The following EIF4ENIF1 variants were observed in gnomAD, a reference collection of about 807,000 sequenced individuals.
EIF4ENIF1 encodes eukaryotic translation initiation factor 4E nuclear import factor 1.
Under a neutral mutation model 110.5 loss-of-function variants are expected in EIF4ENIF1, and 23 were observed. That is an observed-to-expected ratio of 0.21 (90% confidence interval 0.15 to 0.29). EIF4ENIF1 has a LOEUF of 0.29. Among genes scored for constraint, EIF4ENIF1 ranks in the 10% least tolerant of loss-of-function variants. The pLI, the probability that EIF4ENIF1 is intolerant of heterozygous loss-of-function variation, is 1.00. For synonymous variants in EIF4ENIF1, 440 were observed against 437.0 expected, an observed-to-expected ratio of 1.01 and a Z score of -0.09; for missense variants, 1,031 against 1,221.1, an observed-to-expected ratio of 0.84 and a Z score of 2.32.
chr22:31,465,679 C>T (rs557438489), intron 4 of EIF4ENIF1, among the ~76,000 whole-genome samples: 1 of 152,194 alleles, frequency 6.6e-6, no homozygotes, highest in Non-Finnish European at 1.5e-5. Flanking sequence ...AGGTTTTTAC[C>T]CAAGAGAAAA....
At chr22:31,493,485 C>G (rs772850172), upstream of EIF4ENIF1, among the ~76,000 whole-genome samples, 3 of 152,158 alleles carry the variant, frequency 2.0e-5, no homozygotes, top group Non-Finnish European at 4.4e-5. Context: ...GCCACCACAC[C>G]TGGCTAACTT....
chr22:31,470,287 T>TG (rs1404144615), intron 3 of EIF4ENIF1, among the ~76,000 whole-genome samples: 56 of 151,792 alleles, frequency 3.7e-4, no homozygotes, highest in African/African-American at 1.1e-3. Flanking sequence ...TTGTTGTTGT[T>TG]TTGTTTTTTT....
intron 2 of EIF4ENIF1, among the ~76,000 whole-genome samples, chr22:31,475,847 C>A (rs546234020): frequency 6.6e-6 from 1 of 151,704 alleles, no homozygotes; most frequent in East Asian, 1.9e-4. Context: ...GTGACAGAGA[C>A]CCTGTCTCAA....
At chr22:31,477,332 G>C (rs556107699) in intron 2 of EIF4ENIF1, among the ~76,000 whole-genome samples, 1 of 123,738 alleles carries the variant, frequency 8.1e-6, no homozygotes, top group African/African-American at 3.1e-5. Context: ...CTCCAGCCTC[G>C]GCAACAGAAC....
chr22:31,464,259 A>G (rs1443146109), intron 4 of EIF4ENIF1: 2 of 313,110 alleles, frequency 6.4e-6, no homozygotes, highest in Non-Finnish European at 1.2e-5. Flanking sequence ...AATTATTAGC[A>G]AATGTTTTGT....
Position 31,439,892 on chromosome 22 carries a change from T to C in EIF4ENIF1, c.2946A>G (p.Glu982=). 2 of 1,613,600 alleles carry C rather than the reference T, an allele frequency of 1.2e-6. No homozygotes were observed. The highest frequency in any genetic ancestry group is 2.7e-5 in the African/African-American group (2 of 75,040). ...CTGCCTGCCCTGCTCACTGTCGGTA[T>C]TCCAATTCATCTACACTGATAACTT... ...PAKVISVDEL[E]YRQ The change falls in exon 19 of 19, where the codon GAA becomes GAG. Residue 982 remains glutamate, a synonymous_variant. Transcript: ENST00000330125.
rs1284722306 is a variant in EIF4ENIF1 at position 31,449,525 on chromosome 22, G to C, written c.1591C>G (p.Leu531Val). The change falls in exon 12 of 19, where the codon CTG (leucine) becomes GTG (valine). Residue 531 changes from leucine to valine, a missense_variant. Around this residue, in one of 3 missense-constraint regions of EIF4ENIF1, gnomAD observed 704 missense variants for 879.7 expected, o/e 0.80. Coordinates refer to ENST00000330125, the MANE Select transcript of EIF4ENIF1 (RefSeq NM_019843.4). Reference protein sequence around the residue: ...PVPKNILQELLGQPVQRPASS... With the variant: ...PVPKNILQELVGQPVQRPASS... Reference sequence around the variant, plus strand: ...GCAGGTCTCTGAACTGGTTGACCCAGAAGTTCCTAAAGGCAGAAAAGCCAA... The same window carrying C: ...GCAGGTCTCTGAACTGGTTGACCCACAAGTTCCTAAAGGCAGAAAAGCCAA... 9.9e-6 allele frequency: 16 copies of C among 1,610,752 alleles called. No individual in the cohort carries two copies. The highest frequency in any genetic ancestry group is 1.4e-5 in the Non-Finnish European group (16 of 1,179,056).
At chr22:31,438,962 C>G (rs1056440105), downstream of EIF4ENIF1, among the ~76,000 whole-genome samples, 6 of 152,144 alleles carry the variant, frequency 3.9e-5, no homozygotes, top group Non-Finnish European at 8.8e-5. Flanking sequence ...CCTTGTGATT[C>G]GCCTGCCTCT....
intron 14 of EIF4ENIF1, chr22:31,447,026 A>C (rs975748045): frequency 2.1e-6 from 1 of 467,926 alleles, no homozygotes; most frequent in Non-Finnish European, 4.4e-6. Flanking sequence ...GAAAGGAATA[A>C]GGAGCTATGC....
chr22:31,448,248 G>C lies in EIF4ENIF1; in HGVS notation c.1769-16C>G. The C allele has an allele frequency of 6.2e-7, 1 of 1,613,404 alleles. No individual in the cohort carries two copies. The highest frequency in any genetic ancestry group is 8.5e-7 in the Non-Finnish European group (1 of 1,179,378). On this transcript the variant is annotated splice_polypyrimidine_tract_variant and intron_variant, in intron 12 of 18. Coordinates refer to ENST00000330125, the MANE Select transcript of EIF4ENIF1 (RefSeq NM_019843.4). ...GGTGTGAAACCTGTCGGGAAAGTTA[G>C]TCTCAGTGAGTACCAAGATGGTATG...
chr22:31,475,267 GA>G (rs34004277), intron 2 of EIF4ENIF1, among the ~76,000 whole-genome samples: 41,350 of 151,530 alleles, frequency 0.27, 6,176 homozygotes, highest in East Asian at 0.52. Context: ...TCAAAATTCT[GA>G]AAAAAAACTG....
chr22:31,491,900 G>T (rs1438190323), upstream of EIF4ENIF1, among the ~76,000 whole-genome samples: 1 of 152,122 alleles, frequency 6.6e-6, no homozygotes, highest in African/African-American at 2.4e-5. Flanking sequence ...GTTACCTACT[G>T]TTACGTAACA....
At chr22:31,491,252 G>A (rs1418073914), upstream of EIF4ENIF1, among the ~76,000 whole-genome samples, 2 of 152,174 alleles carry the variant, frequency 1.3e-5, no homozygotes, top group African/African-American at 4.8e-5. Context: ...GCCTTTTTAA[G>A]CCTATACAGA....
At chr22:31,478,699 C>T (rs1412410754) in intron 2 of EIF4ENIF1, among the ~76,000 whole-genome samples, 1 of 151,630 alleles carries the variant, frequency 6.6e-6, no homozygotes, top group African/African-American at 2.4e-5. Flanking sequence ...AGCCTGTAAT[C>T]CCAGCACTTT....
chr22:31,484,301 T>C (rs1014886550), intron 2 of EIF4ENIF1, among the ~76,000 whole-genome samples: 1 of 152,140 alleles, frequency 6.6e-6, no homozygotes, highest in Non-Finnish European at 1.5e-5. Context: ...AAGGAAACTC[T>C]GGTACATTAC....
chr22:31,456,511 C>T (rs374974037), intron 7 of EIF4ENIF1, among the ~76,000 whole-genome samples: 2 of 151,684 alleles, frequency 1.3e-5, no homozygotes, highest in South Asian at 2.1e-4. Flanking sequence ...GCATGAGCCA[C>T]CACACCCGGT....
In EIF4ENIF1 at chr22:31,471,707, T is replaced by C. The variant is rs1013868789; in HGVS notation, c.170+137A>G. 3 of 767,528 alleles carry C rather than the reference T, an allele frequency of 3.9e-6. No individual in the cohort carries two copies. In the African/African-American group the frequency reaches 5.4e-5, roughly 14 times the overall value. 47.5% of individuals were successfully genotyped at this position (767,528 alleles called of 1,614,324 possible). A position where few individuals can be genotyped will look rare whatever the true frequency, so the allele number is the denominator to read the frequency against. On this transcript the variant is annotated intron_variant, in intron 3 of 18. Transcript: ENST00000330125. ...ATTCCTAGGTAGTTGAAACCCATCT[T>C]ATTACCTCTCGAAATCCCTCTTTCA...
At chr22:31,463,201 T>C (rs1368329112) in intron 5 of EIF4ENIF1, 68 bp from the exon 6 acceptor site, 2 of 1,465,524 alleles carry the variant, frequency 1.4e-6, no homozygotes, top group African/African-American at 1.4e-5. Context: ...GTCAAGGTCT[T>C]CGTTGTAATG....
At chr22:31,488,237 C>G (rs778692949) in intron 2 of EIF4ENIF1, among the ~76,000 whole-genome samples, 16 of 152,278 alleles carry the variant, frequency 1.1e-4, no homozygotes, top group Non-Finnish European at 1.9e-4. Flanking sequence ...GGGAGTCTGC[C>G]TCTTAAGGAA....
Sources: gnomAD v4.1 joint callset for allele counts (sites outside exome capture counted in the v4.1 genomes callset) on GRCh38, gnomAD v4.1.1 for gene constraint, gnomAD v4.1.1 regional missense constraint, MANE v1.5 for transcripts, NCBI Gene and HGNC (gene_info 2026-07-23, HGNC 2026-07-21) for gene names.